Variants in RSU1 observed in about 807,000 individuals in gnomAD.
RSU1 encodes rsu-1.
RSU1 carries 26 observed loss-of-function variants against 31.1 expected under a neutral mutation model. That is an observed-to-expected ratio of 0.84 (90% CI 0.61 to 1.16). The LOEUF is 1.16. Among genes scored for constraint, RSU1 ranks in the 50% most tolerant of loss-of-function variants. The pLI is 0.00. For missense variants in RSU1, 320 were observed against 339.1 expected, an observed-to-expected ratio of 0.94 and a Z score of 0.44; for synonymous variants, 164 against 136.3, an observed-to-expected ratio of 1.20 and a Z score of -1.41.
chr10:16,596,653 C>A (rs528110662), intron 8 of RSU1, among the ~76,000 whole-genome samples: 2 of 152,162 alleles, frequency 1.3e-5, no homozygotes, highest in African/African-American at 2.4e-5. Context: ...TTTCCCAAAC[C>A]CCTTATCCGC....
chr10:16,714,469 G>A (rs1340331417), intron 7 of RSU1, among the ~76,000 whole-genome samples: 1 of 152,230 alleles, frequency 6.6e-6, no homozygotes, highest in African/African-American at 2.4e-5. Context: ...GGCTGCCACA[G>A]GACCAACAGT....
At chr10:16,613,561 A>G (rs1022905102) in intron 8 of RSU1, among the ~76,000 whole-genome samples, 1 of 152,230 alleles carries the variant, frequency 6.6e-6, no homozygotes, top group Non-Finnish European at 1.5e-5. Flanking sequence ...GGAGAATAAA[A>G]TATTACAAAA....
intron 2 of RSU1, among the ~76,000 whole-genome samples, chr10:16,785,592 C>T (rs1220898092): frequency 6.6e-6 from 1 of 151,170 alleles, no homozygotes; most frequent in Non-Finnish European, 1.5e-5. Flanking sequence ...TTTATGAGAA[C>T]TTTGCCCCCG....
chr10:16,804,067 A>G (rs1310426687), intron 2 of RSU1, among the ~76,000 whole-genome samples: 2 of 152,226 alleles, frequency 1.3e-5, no homozygotes, highest in Non-Finnish European at 2.9e-5. Context: ...AGTATTTGTT[A>G]ACACACATAT....
intron 4 of RSU1, among the ~76,000 whole-genome samples, chr10:16,758,419 G>A (rs1837139742): frequency 6.6e-6 from 1 of 152,138 alleles, no homozygotes; most frequent in African/African-American, 2.4e-5. Context: ...CATGCTCAGG[G>A]CCCCGCTCTG....
chr10:16,699,599 C>T (rs920512561), intron 7 of RSU1, among the ~76,000 whole-genome samples: 4 of 152,228 alleles, frequency 2.6e-5, no homozygotes, highest in Non-Finnish European at 5.9e-5. Context: ...CCTCACCCAT[C>T]CCCTTTATTA....
intron 7 of RSU1, among the ~76,000 whole-genome samples, chr10:16,700,720 T>G (rs1004363192): frequency 1.3e-5 from 2 of 152,228 alleles, no homozygotes; most frequent in African/African-American, 4.8e-5. Context: ...GCCTATAAAA[T>G]GCTCATATTG....
chr10:16,781,202 T>C (rs964203629), intron 3 of RSU1, among the ~76,000 whole-genome samples: 6 of 152,104 alleles, frequency 3.9e-5, no homozygotes, highest in Non-Finnish European at 7.3e-5. Flanking sequence ...TCATTAGGAA[T>C]GGGAAAGGAG....
chr10:16,780,375 G>A (rs150180833), intron 3 of RSU1, among the ~76,000 whole-genome samples: 1 of 152,270 alleles, frequency 6.6e-6, no homozygotes, highest in East Asian at 1.9e-4. Flanking sequence ...CAGTAGCTGG[G>A]ACCACAGGTG....
chr10:16,717,071 T>C (rs928617534), intron 7 of RSU1, among the ~76,000 whole-genome samples: 2 of 152,248 alleles, frequency 1.3e-5, no homozygotes. Context: ...TTTATTTTTT[T>C]ATTTACATAT....
intron 8 of RSU1, among the ~76,000 whole-genome samples, chr10:16,694,312 A>G (rs540388544): frequency 6.6e-6 from 1 of 152,340 alleles, no homozygotes; most frequent in South Asian, 2.1e-4. Flanking sequence ...GCTTCTCTAT[A>G]ATAGAATGAC....
chr10:16,602,879 G>A (rs1321864632), intron 8 of RSU1, among the ~76,000 whole-genome samples: 7 of 152,176 alleles, frequency 4.6e-5, no homozygotes, highest in Non-Finnish European at 8.8e-5. Context: ...GTGTGAAGCC[G>A]AGATTATTAA....
chr10:16,670,277 T>C (rs1835082073), intron 8 of RSU1, among the ~76,000 whole-genome samples: 2 of 152,224 alleles, frequency 1.3e-5, no homozygotes. Flanking sequence ...TCGACAGTGT[T>C]CACTGAGCTT....
intron 7 of RSU1, among the ~76,000 whole-genome samples, chr10:16,718,110 A>AAAAAG (rs1554768710): frequency 6.6e-5 from 10 of 150,986 alleles, no homozygotes; most frequent in African/African-American, 2.4e-4. Context: ...AAAAAAAAAA[A>AAAAAG]AAAGAAAGAA....
intron 2 of RSU1, among the ~76,000 whole-genome samples, chr10:16,792,607 G>A (rs1837948469): frequency 6.6e-6 from 1 of 152,156 alleles, no homozygotes; most frequent in African/African-American, 2.4e-5. Context: ...ATATTCAAAG[G>A]AGTCTGCCTT....
chr10:16,658,708 A>G (rs1834833781), intron 8 of RSU1, among the ~76,000 whole-genome samples: 1 of 152,232 alleles, frequency 6.6e-6, no homozygotes, highest in Non-Finnish European at 1.5e-5. Flanking sequence ...TGGGTGACAG[A>G]GTGAGACCCC....
intron 3 of RSU1, among the ~76,000 whole-genome samples, chr10:16,775,405 T>C (rs1837508267): frequency 6.6e-6 from 1 of 152,158 alleles, no homozygotes; most frequent in African/African-American, 2.4e-5. Flanking sequence ...TAAAAATATA[T>C]TGTGGAGGAA....
intron 3 of RSU1, among the ~76,000 whole-genome samples, chr10:16,773,277 C>T (rs1837459198): frequency 6.6e-6 from 1 of 151,946 alleles, no homozygotes; most frequent in Admixed American, 6.6e-5. Context: ...GCTTCTCTTC[C>T]TACCAGACCT....
chr10:16,676,129 T>G (rs1835227001), intron 8 of RSU1, among the ~76,000 whole-genome samples: 1 of 152,180 alleles, frequency 6.6e-6, no homozygotes, highest in African/African-American at 2.4e-5. Flanking sequence ...TAATATGCAT[T>G]AACAGACTGA....
Sources: allele counts gnomAD v4.1 joint callset (sites outside exome capture counted in the v4.1 genomes callset), GRCh38; gene constraint gnomAD v4.1.1; transcripts MANE v1.5; gene names NCBI Gene and HGNC (gene_info 2026-07-23, HGNC 2026-07-21).